The following LRRC4C variants were observed in gnomAD, a reference collection of about 807,000 sequenced individuals.
LRRC4C encodes the protein leucine-rich repeat-containing protein 4C.
In LRRC4C, 5 loss-of-function variants were observed where a neutral mutation model predicts 33.6. The observed-to-expected ratio is 0.15, with a 90% CI of 0.08 to 0.31. The LOEUF (loss-of-function observed/expected upper bound fraction) is 0.31, where lower values mean the gene tolerates loss of function less well. Ranked by LOEUF, LRRC4C falls within the 10% of genes least tolerant of loss-of-function variation. LRRC4C has a pLI of 1.00. For missense variants in LRRC4C, 560 were observed against 796.7 expected (o/e 0.70, Z 3.58); for synonymous variants, 329 against 302.0 (o/e 1.09, Z -0.93).
chr11:40,254,609 T>C (rs1239962221), intron 4 of LRRC4C, among the ~76,000 whole-genome samples: 1 of 152,232 alleles, frequency 6.6e-6, no homozygotes, highest in Non-Finnish European at 1.5e-5. Flanking sequence ...TTGTATAGCA[T>C]ATGTGTATGT....
intron 1 of LRRC4C, among the ~76,000 whole-genome samples, chr11:41,356,242 G>C (rs561361596): frequency 1.1e-4 from 17 of 152,240 alleles, no homozygotes; most frequent in Admixed American, 6.5e-4. Context: ...TAAACATTAT[G>C]AATGATGTTA....
intron 1 of LRRC4C, among the ~76,000 whole-genome samples, chr11:41,414,427 C>T (rs1338439974): frequency 6.6e-6 from 1 of 152,090 alleles, no homozygotes; most frequent in Non-Finnish European, 1.5e-5. Context: ...CAGAAAATAC[C>T]TCTGGGATTT....
At chr11:41,089,299 C>T (rs964206770) in intron 1 of LRRC4C, among the ~76,000 whole-genome samples, 5 of 151,918 alleles carry the variant, frequency 3.3e-5, no homozygotes, top group African/African-American at 9.6e-5. Flanking sequence ...GCCACTTGAT[C>T]GGTAGTCTAG....
intron 1 of LRRC4C, among the ~76,000 whole-genome samples, chr11:41,424,846 A>AT (rs537496681): frequency 2.6e-4 from 40 of 151,054 alleles, no homozygotes; most frequent in African/African-American, 6.3e-4. Flanking sequence ...CTTCTGAAGT[A>AT]TTTTTTTTTG....
At chr11:40,748,211 C>G (rs1487769696) in intron 2 of LRRC4C, among the ~76,000 whole-genome samples, 1 of 152,074 alleles carries the variant, frequency 6.6e-6, no homozygotes. Flanking sequence ...CGGCAGTTTT[C>G]TCAGGAGAAA....
intron 2 of LRRC4C, among the ~76,000 whole-genome samples, chr11:40,709,761 T>C (rs992320588): frequency 1.3e-5 from 2 of 152,226 alleles, no homozygotes; most frequent in Non-Finnish European, 2.9e-5. Context: ...GAAGTTCTCC[T>C]GGATAATATC....
intron 2 of LRRC4C, among the ~76,000 whole-genome samples, chr11:40,851,255 C>T (rs1283365984): frequency 6.6e-6 from 1 of 151,988 alleles, no homozygotes; most frequent in Non-Finnish European, 1.5e-5. Context: ...AAACCCAGGG[C>T]CCTTGTGGTG....
At chr11:40,500,271 GAT>G (rs377169790) in intron 3 of LRRC4C, among the ~76,000 whole-genome samples, 94 of 105,044 alleles carry the variant, frequency 8.9e-4, no homozygotes, top group South Asian at 2.6e-3. Flanking sequence ...CCTAATGTCT[GAT>G]ATATATATAT....
At position 41,103,535 on chromosome 11, in the gene LRRC4C, G is replaced by A. The variant is rs192803615; in HGVS notation, c.-495-169812C>T. On this transcript the variant is annotated intron_variant, in intron 1 of 6. Coordinates refer to ENST00000528697, the MANE Select transcript of LRRC4C (RefSeq NM_001258419.2). ...TCTGAGGCTGTGCAACATACCAACT[G>A]GTATAGACATAGAAATGAGTACGAC... 3.4e-3 allele frequency among the ~76,000 whole-genome samples: 515 copies of A among 150,844 alleles called. 4 individuals carry two copies. The highest frequency in any genetic ancestry group is 0.012 in the African/African-American group (486 of 40,462).
At chr11:40,158,446 TAGTTTC>T (rs1858890354) in intron 5 of LRRC4C, among the ~76,000 whole-genome samples, 1 of 152,224 alleles carries the variant, frequency 6.6e-6, no homozygotes, top group Admixed American at 6.5e-5. Context: ...TCTGTGACTA[TAGTTTC>T]AGTTTAATAA....
At chr11:41,233,069 T>C (rs1349583788) in intron 1 of LRRC4C, among the ~76,000 whole-genome samples, 2 of 152,112 alleles carry the variant, frequency 1.3e-5, no homozygotes, top group African/African-American at 2.4e-5. Context: ...TTATATTTCT[T>C]AATTGCTCTT....
chr11:40,819,210 T>C (rs1264088208), intron 2 of LRRC4C, among the ~76,000 whole-genome samples: 2 of 152,088 alleles, frequency 1.3e-5, no homozygotes, highest in African/African-American at 4.8e-5. Flanking sequence ...ATATGGGCAA[T>C]TAAGAAGATA....
chr11:40,218,896 C>T (rs1169452129), intron 5 of LRRC4C, among the ~76,000 whole-genome samples: 1 of 152,088 alleles, frequency 6.6e-6, no homozygotes, highest in East Asian at 1.9e-4. Flanking sequence ...AGCCAGATGG[C>T]ATCCACTTCT....
At chr11:40,789,950 TG>T (rs1203010491) in intron 2 of LRRC4C, among the ~76,000 whole-genome samples, 1 of 152,100 alleles carries the variant, frequency 6.6e-6, no homozygotes, top group African/African-American at 2.4e-5. Flanking sequence ...AAGAGATACA[TG>T]TGTCTAAAAT....
intron 4 of LRRC4C, chr11:40,293,892 A>T (rs867934544): frequency 6.6e-6 from 1 of 152,166 alleles, no homozygotes. Context: ...CGCGGCAGAA[A>T]CCCCAGTCCC....
At chr11:40,327,238 A>T (rs11035782) in intron 3 of LRRC4C, among the ~76,000 whole-genome samples, 14,360 of 152,238 alleles carry the variant, frequency 0.094, 843 homozygotes, top group African/African-American at 0.16. Context: ...ATTTCCCATG[A>T]CAGGGCTTTC....
At chr11:41,080,342 C>CTTTTTTTTTTTTTTTTTTTTT (rs71060997) in intron 1 of LRRC4C, among the ~76,000 whole-genome samples, 2 of 103,434 alleles carry the variant, frequency 1.9e-5, no homozygotes, top group Non-Finnish European at 3.6e-5. Flanking sequence ...GAGTCTCCTC[C>CTTTTTTTTTTTTTTTTTTTTT]TTTTTTTTTT....
intron 2 of LRRC4C, among the ~76,000 whole-genome samples, chr11:40,770,318 T>G (rs1401380623): frequency 6.6e-6 from 1 of 152,074 alleles, no homozygotes; most frequent in Non-Finnish European, 1.5e-5. Context: ...TATAAAACCA[T>G]CAGATCTTGT....
chr11:40,336,971 C>T (rs1194028203), intron 3 of LRRC4C, among the ~76,000 whole-genome samples: 5 of 92,908 alleles, frequency 5.4e-5, no homozygotes, highest in African/African-American at 2.0e-4. Flanking sequence ...AGCGAGACTT[C>T]GTCTCAAAAA....
Sources: gnomAD v4.1 joint callset for allele counts (sites outside exome capture counted in the v4.1 genomes callset) on GRCh38, gnomAD v4.1.1 for gene constraint, MANE v1.5 for transcripts, NCBI Gene and HGNC (gene_info 2026-07-23, HGNC 2026-07-21) for gene names.